Variants in KAZN observed in about 807,000 individuals in gnomAD.
The protein encoded by KAZN is kazrin, periplakin interacting protein, also known as kazrin.
In KAZN, 40 loss-of-function variants were observed where a neutral mutation model predicts 87.4. The observed-to-expected ratio is 0.46, with a 90% confidence interval of 0.36 to 0.60. The LOEUF (loss-of-function observed/expected upper bound fraction) is 0.60, where lower values mean the gene tolerates loss of function less well. Ranked by LOEUF, KAZN falls within the 20% of genes least tolerant of loss-of-function variation. The probability of loss-of-function intolerance (pLI) is 0.00; values close to 1 mark genes in which losing one functional copy is unlikely to be tolerated. For missense variants in KAZN, 898 were observed against 1,073.9 expected (o/e 0.84, Z 2.29); for synonymous variants, 466 against 458.3 (o/e 1.02, Z -0.22).
At chr1:14,895,374 C>A (rs1231921763) in intron 1 of KAZN, among the ~76,000 whole-genome samples, 1 of 152,254 alleles carries the variant, frequency 6.6e-6, no homozygotes, top group African/African-American at 2.4e-5. Flanking sequence ...CTTTCCTTGG[C>A]TGAGTCTGGA....
At chr1:13,981,550 T>C (rs568264934) in intron 1 of KAZN, among the ~76,000 whole-genome samples, 1 of 152,118 alleles carries the variant, frequency 6.6e-6, no homozygotes, top group Non-Finnish European at 1.5e-5. Context: ...AGAGTGAACA[T>C]TCTATAGATT....
In KAZN at chr1:14,577,053, TGA is replaced by T. The variant is rs1489947657; in HGVS notation, c.250-21926_250-21925del. Among the ~76,000 whole-genome samples, 67 of 152,292 alleles carry T rather than the reference TGA, an allele frequency of 4.4e-4. 2 individuals carry two copies. Among genetic ancestry groups the T allele is most frequent in the Middle Eastern group, 3.4e-3 (1 of 294 alleles). On this transcript the variant is annotated intron_variant, in intron 2 of 16. Coordinates refer to the KAZN transcript ENST00000636203. ...GCTACTGGTGCTACTGATTAAAATG[TGA>T]GAGGAATCTGGTTAGAAACCAGCGT...
At chr1:14,728,155 G>A (rs748886468) in intron 1 of KAZN, among the ~76,000 whole-genome samples, 15 of 151,672 alleles carry the variant, frequency 9.9e-5, no homozygotes, top group Non-Finnish European at 1.2e-4. Context: ...GTATGGTTGC[G>A]TGCACCTGTA....
chr1:14,550,728 T>TCTCTCTCC (rs1673451421), intron 2 of KAZN, among the ~76,000 whole-genome samples: 2 of 83,514 alleles, frequency 2.4e-5, no homozygotes, highest in Non-Finnish European at 5.7e-5. Flanking sequence ...TCTCTCTCTC[T>TCTCTCTCC]CTCTCTCTCT....
At position 14,663,547 on chromosome 1, in the gene KAZN, T is replaced by TA. The variant is rs199647770; in HGVS notation, c.226+64328dup. 2.6e-5 allele frequency among the ~76,000 whole-genome samples: 4 copies of TA among 152,292 alleles called. No homozygotes were observed. In the East Asian group the frequency reaches 7.7e-4, roughly 29 times the overall value. The stretch of plus-strand genomic sequence containing the variant: ...CAGAGTTTGACATTCCCTGTCAAGT[T>TA]AAAAGGACACCAACGTATTTCATAT... On this transcript the variant is annotated intron_variant, in intron 1 of 14. Coordinates refer to ENST00000376030, the MANE Select transcript of KAZN (RefSeq NM_201628.3).
At chr1:15,067,539 C>G (rs994584640) in intron 8 of KAZN, 1 of 985,340 alleles carries the variant, frequency 1.0e-6, no homozygotes, top group Admixed American at 6.1e-5. Flanking sequence ...TCAACCCACA[C>G]CTCTAGACAA....
chr1:14,770,784 G>A (rs1458580092), intron 1 of KAZN, among the ~76,000 whole-genome samples: 1 of 152,142 alleles, frequency 6.6e-6, no homozygotes, highest in Non-Finnish European at 1.5e-5. Flanking sequence ...AAAAGAAACA[G>A]GCCTCTGATG....
chr1:13,895,712 G>T (rs926634647), intron 1 of KAZN, among the ~76,000 whole-genome samples: 2 of 152,156 alleles, frequency 1.3e-5, no homozygotes, highest in Admixed American at 6.5e-5. Context: ...GACTCTAGGG[G>T]TTTACAGCTG....
At chr1:14,600,638 G>A (rs1252438067) in intron 1 of KAZN, among the ~76,000 whole-genome samples, 5 of 122,548 alleles carry the variant, frequency 4.1e-5, no homozygotes, top group East Asian at 2.4e-4. Flanking sequence ...CATTGTGTGC[G>A]AAAGAACATT....
chr1:13,900,196 A>G (rs1479076476), intron 1 of KAZN, among the ~76,000 whole-genome samples: 1 of 152,128 alleles, frequency 6.6e-6, no homozygotes, highest in East Asian at 1.9e-4. Flanking sequence ...GGGGAAAACA[A>G]CTTATTCCAA....
At chr1:14,995,240 G>A (rs1667748827) in intron 2 of KAZN, among the ~76,000 whole-genome samples, 1 of 152,190 alleles carries the variant, frequency 6.6e-6, no homozygotes, top group Non-Finnish European at 1.5e-5. Context: ...GTGAACTCAC[G>A]TGACTTTTCA....
chr1:13,898,928 CT>C (rs1310409107), intron 1 of KAZN, among the ~76,000 whole-genome samples: 1 of 152,214 alleles, frequency 6.6e-6, no homozygotes, highest in Non-Finnish European at 1.5e-5. Context: ...GGCAAGGGAA[CT>C]AACATTTATG....
intron 1 of KAZN, among the ~76,000 whole-genome samples, chr1:14,957,402 C>T (rs950038161): frequency 1.3e-5 from 2 of 152,214 alleles, no homozygotes; most frequent in African/African-American, 2.4e-5. Context: ...ATTCGACAGA[C>T]GTTACCGAGT....
chr1:14,545,060 C>G (rs1180653678), intron 2 of KAZN, among the ~76,000 whole-genome samples: 2 of 152,314 alleles, frequency 1.3e-5, no homozygotes, highest in Non-Finnish European at 2.9e-5. Flanking sequence ...AAACTTGGAA[C>G]CAAACTAAAC....
chr1:14,299,676 C>G (rs924577279), intron 2 of KAZN, among the ~76,000 whole-genome samples: 1 of 152,200 alleles, frequency 6.6e-6, no homozygotes, highest in Non-Finnish European at 1.5e-5. Context: ...CACACTCACT[C>G]TGTACCTCCC....
rs1030371036 is a variant in KAZN at position 13,961,801 on chromosome 1, T to A, written c.91+68045T>A. On this transcript the variant is annotated intron_variant, in intron 1 of 16. Coordinates refer to the KAZN transcript ENST00000636203. Reference sequence around the variant, plus strand: ...ATTAGCAGCCAGGATCCACGTCTAATTCTCTTTATCCTCTGTCCCCAGCAC... The same window carrying A: ...ATTAGCAGCCAGGATCCACGTCTAAATCTCTTTATCCTCTGTCCCCAGCAC... Among the ~76,000 whole-genome samples, 3 of 152,184 alleles carry A rather than the reference T, an allele frequency of 2.0e-5. 1 individual carries two copies. The highest frequency in any genetic ancestry group is 7.2e-5 in the African/African-American group (3 of 41,448).
chr1:14,484,715 A>G (rs2148397793), intron 2 of KAZN, among the ~76,000 whole-genome samples: 1 of 152,310 alleles, frequency 6.6e-6, no homozygotes, highest in East Asian at 1.9e-4. Context: ...GGTCAGCTGC[A>G]GGGAGTTCAG....
At chr1:14,544,727 G>C (rs893396582) in intron 2 of KAZN, among the ~76,000 whole-genome samples, 5 of 149,610 alleles carry the variant, frequency 3.3e-5, no homozygotes, top group African/African-American at 1.2e-4. Flanking sequence ...ACATCCCTTG[G>C]CTTCTTTATT....
chr1:14,129,646 A>G (rs1368912427), intron 1 of KAZN, among the ~76,000 whole-genome samples: 1 of 152,062 alleles, frequency 6.6e-6, no homozygotes, highest in Non-Finnish European at 1.5e-5. Context: ...ACTCGTCCAT[A>G]TTCTCCATGT....
Sources: gnomAD v4.1 joint callset for allele counts (sites outside exome capture counted in the v4.1 genomes callset) on GRCh38, gnomAD v4.1.1 for gene constraint, MANE v1.5 for transcripts, NCBI Gene and HGNC (gene_info 2026-07-23, HGNC 2026-07-21) for gene names.